The following CDC45 variants were observed in gnomAD, a reference collection of about 807,000 sequenced individuals.
CDC45 encodes cell division control protein 45 homolog.
CDC45 carries 54 observed loss-of-function variants against 77.8 expected under a neutral mutation model. That is an observed-to-expected ratio of 0.69 (90% CI 0.56 to 0.87). The LOEUF (loss-of-function observed/expected upper bound fraction) is 0.87, where lower values mean the gene tolerates loss of function less well. Ranked by LOEUF, CDC45 falls within the 40% of genes least tolerant of loss-of-function variation. The probability of loss-of-function intolerance (pLI) is 0.00; values close to 1 mark genes in which losing one functional copy is unlikely to be tolerated. For missense variants in CDC45, 649 were observed against 721.6 expected (o/e 0.90, Z 1.15); for synonymous variants, 260 against 272.1 (o/e 0.96, Z 0.44).
At chr22:19,508,023 T>C (rs1933299472) in intron 12 of CDC45, among the ~76,000 whole-genome samples, 159 bp downstream of exon 12, 1 of 152,312 alleles carries the variant, frequency 6.6e-6, no homozygotes, top group East Asian at 1.9e-4. Context: ...AAATGAGTGT[T>C]ATCTGAGTCT....
At chr22:19,507,964 C>T in intron 12 of CDC45, 100 bp downstream of exon 12, 1 of 745,476 alleles carries the variant, frequency 1.3e-6, no homozygotes, top group African/African-American at 1.8e-5. Context: ...CAAAAAAAAC[C>T]AACGTGCTCC....
Position 19,479,946 on chromosome 22 carries a change from C to T in CDC45, c.-23C>T. 1.2e-6 allele frequency: 2 copies of T among 1,612,420 alleles called. No homozygotes were observed. Among genetic ancestry groups the T allele is most frequent in the Non-Finnish European group, 1.7e-6 (2 of 1,179,960 alleles). On this transcript the variant is annotated 5_prime_UTR_variant, in exon 1 of 19. Coordinates refer to ENST00000263201, the MANE Select transcript of CDC45 (RefSeq NM_003504.5). ...GGCTCTTGGTACCTCAGCGCGAGCG[C>T]CAGGCGTCCGGCCGCCGTGGCTATG... is the stretch of plus-strand genomic sequence containing the variant.
intron 9 of CDC45, among the ~76,000 whole-genome samples, chr22:19,501,245 T>G (rs916521799): frequency 6.6e-6 from 1 of 152,144 alleles, no homozygotes; most frequent in African/African-American, 2.4e-5. Context: ...TTATGGGTAT[T>G]TGCCTGCGGC....
At chr22:19,489,180 A>G (rs538290784) in intron 5 of CDC45, among the ~76,000 whole-genome samples, 1 of 152,342 alleles carries the variant, frequency 6.6e-6, no homozygotes, top group South Asian at 2.1e-4. Context: ...TAAAGAAAAG[A>G]AAGTCTCCTT....
chr22:19,479,676 T>C, upstream of CDC45: 1 of 687,530 alleles, frequency 1.5e-6, no homozygotes, highest in Non-Finnish European at 2.7e-6. Context: ...CCGCCCAGCG[T>C]CGCTTTTCTG....
intron 10 of CDC45, among the ~76,000 whole-genome samples, chr22:19,505,943 G>A (rs532816280): frequency 6.6e-6 from 1 of 152,290 alleles, no homozygotes; most frequent in South Asian, 2.1e-4. Flanking sequence ...AGGGGCTGGG[G>A]GACTGGCTGG....
intron 5 of CDC45, among the ~76,000 whole-genome samples, chr22:19,486,239 A>G (rs2090064678): frequency 6.6e-6 from 1 of 152,240 alleles, no homozygotes; most frequent in African/African-American, 2.4e-5. Flanking sequence ...AAGAATAAGG[A>G]CATTCTTCCC....
At chr22:19,487,910 C>CAAAAA (rs11291499) in intron 5 of CDC45, among the ~76,000 whole-genome samples, 6 of 68,742 alleles carry the variant, frequency 8.7e-5, no homozygotes, top group African/African-American at 1.4e-4. Flanking sequence ...GACTCCGTCT[C>CAAAAA]AAAAAAAAAA....
At chr22:19,513,238 G>A (rs1933610564) in intron 13 of CDC45, among the ~76,000 whole-genome samples, 1 of 152,196 alleles carries the variant, frequency 6.6e-6, no homozygotes, top group African/African-American at 2.4e-5. Flanking sequence ...AGTACTTTCT[G>A]AAATTTGTGC....
In CDC45 at chr22:19,481,007, C is replaced by A. The variant is rs1264224614; in HGVS notation, c.166C>A (p.Gln56Lys). The change falls in exon 3 of 19, where the codon CAA becomes AAA. Residue 56 changes from glutamine to lysine, a missense_variant. By Grantham distance (53) the Gln-to-Lys change is moderately conservative. Transcript: ENST00000263201. Reference protein sequence around the residue: ...QYTLVPVSGWQELETAFLEHK... With the variant: ...QYTLVPVSGWKELETAFLEHK... Reference sequence around the variant, plus strand: ...TACGCTGGTTCCAGTTTCTGGGTGGCAAGAACTTGAAACTGCATTTCTTGA... The same window carrying A: ...TACGCTGGTTCCAGTTTCTGGGTGGAAAGAACTTGAAACTGCATTTCTTGA... 1.9e-6 allele frequency: 3 copies of A among 1,613,526 alleles called. No homozygotes were observed. The highest frequency in any genetic ancestry group is 2.5e-6 in the Non-Finnish European group (3 of 1,179,698).
Position 19,507,852 on chromosome 22 carries a change from C to A in CDC45, c.1043C>A (p.Ala348Glu). ...TTGCGGGAAATGATTGAAGAGTCTG[C>A]AAATAAATTTGGGTAAACACACATT... ...ENLREMIEES[A>E]NKFGMKDMRV... The change falls in exon 12 of 19, where the codon GCA becomes GAA. Residue 348 changes from alanine to glutamate, a missense_variant. Coordinates refer to ENST00000263201, the MANE Select transcript of CDC45 (RefSeq NM_003504.5). 6.3e-7 allele frequency: 1 copy of A among 1,596,992 alleles called. No homozygotes were observed. Among genetic ancestry groups the A allele is most frequent in the Non-Finnish European group, 8.5e-7 (1 of 1,173,624 alleles).
At position 19,482,761 on chromosome 22, in the gene CDC45, C is replaced by T. The variant is rs760898207; in HGVS notation, c.276C>T (p.Asp92=). The T allele has an allele frequency of 3.1e-6, 5 of 1,609,650 alleles. No homozygotes were observed. The highest frequency in any genetic ancestry group is 3.3e-4 in the Middle Eastern group (2 of 6,060). Residue 92 remains aspartate (D), a synonymous_variant, in exon 4 of 19, where the codon GAC becomes GAT. Transcript: ENST00000263201. The part of the protein sequence containing the change: ...DLLDILQPDE[D]TIFFVCDTHR... ...TGGATATTCTTCAACCTGATGAAGACACTATATTCTTTGTGTGTGACACCC... is the reference window on the plus strand; with the variant it reads ...TGGATATTCTTCAACCTGATGAAGATACTATATTCTTTGTGTGTGACACCC...
chr22:19,497,589 G>A (rs2090265551), intron 8 of CDC45, 142 bp downstream of exon 8: 4 of 692,690 alleles, frequency 5.8e-6, no homozygotes, highest in Non-Finnish European at 7.6e-6. Context: ...GGGTATGTGT[G>A]TGATTTTGGT....
At chr22:19,497,343 C>T (rs934269835) in intron 7 of CDC45, 43 bp from the exon 8 acceptor site, 1 of 1,590,820 alleles carries the variant, frequency 6.3e-7, no homozygotes, top group Non-Finnish European at 8.6e-7. Context: ...AGCCCCAGCA[C>T]ATGCCCCTCC....
chr22:19,503,432 C>G (rs1332487408), intron 9 of CDC45, among the ~76,000 whole-genome samples: 5 of 152,216 alleles, frequency 3.3e-5, no homozygotes, highest in African/African-American at 1.2e-4. Context: ...ATACTTGCCC[C>G]TGTCAGCCCC....
chr22:19,494,903 A>G (rs2090215835), intron 6 of CDC45, among the ~76,000 whole-genome samples: 1 of 152,172 alleles, frequency 6.6e-6, no homozygotes, highest in African/African-American at 2.4e-5. Context: ...TCGGATAAGG[A>G]CAACGTAAGA....
chr22:19,512,481 C>G (rs1933570580), intron 13 of CDC45, among the ~76,000 whole-genome samples: 1 of 152,002 alleles, frequency 6.6e-6, no homozygotes, highest in Admixed American at 6.6e-5. Context: ...AAATGTGGGT[C>G]CTAGGTTTTT....
chr22:19,493,357 G>A (rs763649001), intron 5 of CDC45, among the ~76,000 whole-genome samples: 2 of 151,926 alleles, frequency 1.3e-5, no homozygotes, highest in Admixed American at 6.6e-5. Context: ...AAGGAACACT[G>A]TGTTGTTCCT....
At chr22:19,503,729 G>T (rs773258558) in intron 9 of CDC45, among the ~76,000 whole-genome samples, 1 of 152,156 alleles carries the variant, frequency 6.6e-6, no homozygotes, top group Non-Finnish European at 1.5e-5. Context: ...CCCCTCAAAC[G>T]AGGCCCTTCC....
Sources: gnomAD v4.1 joint callset for allele counts (sites outside exome capture counted in the v4.1 genomes callset) on GRCh38, gnomAD v4.1.1 for gene constraint, MANE v1.5 for transcripts, NCBI Gene and HGNC (gene_info 2026-07-23, HGNC 2026-07-21) for gene names.